STRA6: variants seen among roughly 807,000 people sequenced by gnomAD.
The protein encoded by STRA6 is signaling receptor and transporter of retinol STRA6, also known as receptor for retinol uptake STRA6.
Under a neutral mutation model 83.6 loss-of-function variants are expected in STRA6, and 48 were observed. That is an observed-to-expected ratio of 0.57 (90% CI 0.46 to 0.73). STRA6 has a LOEUF of 0.73. STRA6 is among the 30% of genes least tolerant of loss of function. The probability of loss-of-function intolerance (pLI) is 0.00; values close to 1 mark genes in which losing one functional copy is unlikely to be tolerated. For missense variants in STRA6, 760 were observed against 838.8 expected (o/e 0.91, Z 1.16); for synonymous variants, 353 against 362.3 (o/e 0.97, Z 0.29).
At chr15:74,180,387 A>G in intron 18 of STRA6, 144 bp from the exon 19 acceptor site, 1 of 1,039,814 alleles carries the variant, frequency 9.6e-7, no homozygotes. Flanking sequence ...AGCACATGGA[A>G]GTGGGGGGTG....
intron 18 of STRA6, 71 bp from the exon 19 acceptor site, chr15:74,180,314 A>C: frequency 6.3e-7 from 1 of 1,588,918 alleles, no homozygotes; most frequent in Non-Finnish European, 8.6e-7. Context: ...CTCAGACCTG[A>C]TCAGAGAGCC....
At chr15:74,205,017 C>T (rs2074229037), upstream of STRA6, among the ~76,000 whole-genome samples, 1 of 152,176 alleles carries the variant, frequency 6.6e-6, no homozygotes, top group Admixed American at 6.5e-5. Context: ...GCTGGTTTGG[C>T]AGCGAGCAAG....
At chr15:74,189,008 T>C (rs183153764) in intron 12 of STRA6, 107 bp downstream of exon 12, 1 of 1,347,846 alleles carries the variant, frequency 7.4e-7, no homozygotes, top group Non-Finnish European at 1.0e-6. Context: ...GAGGAAGGAA[T>C]GTGTCCAAGG....
At chr15:74,196,614 C>T (rs1001462003) in intron 4 of STRA6, among the ~76,000 whole-genome samples, 1 of 152,242 alleles carries the variant, frequency 6.6e-6, no homozygotes, top group Admixed American at 6.5e-5. Flanking sequence ...ACAGCTTCTG[C>T]ACTGCAGCTT....
At chr15:74,203,490 G>A (rs1429314936), upstream of STRA6, among the ~76,000 whole-genome samples, 1 of 152,238 alleles carries the variant, frequency 6.6e-6, no homozygotes, top group African/African-American at 2.4e-5. Flanking sequence ...ACTGTCCCTG[G>A]TGGAGGTTTA....
At chr15:74,192,960 G>T (rs1054806566) in intron 8 of STRA6, among the ~76,000 whole-genome samples, 7 of 152,182 alleles carry the variant, frequency 4.6e-5, no homozygotes, top group Admixed American at 2.0e-4. Flanking sequence ...TCAGACACAA[G>T]TCCATCAGCT....
upstream of STRA6, among the ~76,000 whole-genome samples, chr15:74,204,219 A>T (rs1174384363): frequency 1.3e-5 from 2 of 152,210 alleles, no homozygotes; most frequent in Non-Finnish European, 2.9e-5. Flanking sequence ...GGGATGCGGG[A>T]AACTTGCCTT....
upstream of STRA6, among the ~76,000 whole-genome samples, chr15:74,204,937 AAAAAAAG>A (rs1264520010): frequency 7.4e-6 from 1 of 134,662 alleles, no homozygotes; most frequent in Non-Finnish European, 1.7e-5. Context: ...TCCATCTCAA[AAAAAAAG>A]AAAGAAAGAA....
At chr15:74,203,762 T>C (rs114463584), upstream of STRA6, among the ~76,000 whole-genome samples, 193 of 152,258 alleles carry the variant, frequency 1.3e-3, no homozygotes, top group African/African-American at 4.6e-3. Flanking sequence ...GAATCACAGG[T>C]TGAGCTGGTC....
chr15:74,179,978 C>T lies in STRA6; in HGVS notation c.*102G>A. 3 of 1,489,104 alleles carry T rather than the reference C, an allele frequency of 2.0e-6. No homozygotes were observed. Among genetic ancestry groups the T allele is most frequent in the Non-Finnish European group, 2.8e-6 (3 of 1,086,714 alleles). The allele number at this position is 1,489,104 out of a possible 1,614,324, so 92.2% of individuals were successfully genotyped here. ...AGTGATCCGGAGGACCTGCTGGCTG[C>T]ATGGCTGGTGTGATGCTGGGAGGAG... On this transcript the variant is annotated 3_prime_UTR_variant, in exon 19 of 19. Coordinates refer to ENST00000395105, the MANE Select transcript of STRA6 (RefSeq NM_022369.4).
At chr15:74,181,262 G>A in intron 17 of STRA6, 33 bp downstream of exon 17, 3 of 1,610,640 alleles carry the variant, frequency 1.9e-6, no homozygotes, top group African/African-American at 1.3e-5. Context: ...TGGGTAGCCT[G>A]AGCAATCCTC....
intron 7 of STRA6, chr15:74,194,281 C>A (rs1487376955): frequency 9.5e-7 from 1 of 1,056,758 alleles, no homozygotes; most frequent in Non-Finnish European, 1.2e-6. Context: ...GAAAGCCTGC[C>A]TTTGCCTACA....
intron 7 of STRA6, 77 bp from the exon 8 acceptor site, chr15:74,193,999 C>A: frequency 6.3e-7 from 1 of 1,588,418 alleles, no homozygotes; most frequent in Non-Finnish European, 8.6e-7. Context: ...TTGCCCTTCC[C>A]ACCTCACACT....
intron 15 of STRA6, 25 bp from the exon 16 acceptor site, chr15:74,182,287 C>A: frequency 1.2e-6 from 2 of 1,613,970 alleles, no homozygotes; most frequent in South Asian, 2.2e-5. Flanking sequence ...GGGAGGTGGT[C>A]GCTGTTAGCG....
chr15:74,197,374 C>A lies in STRA6; in HGVS notation c.230G>T (p.Trp77Leu). ...LAMLVRRRQLWPDCVRGRPGL... is the reference protein window; with the variant it reads ...LAMLVRRRQLLPDCVRGRPGL... The stretch of plus-strand genomic sequence containing the variant: ...GGGCCTGCCACGCACACAGTCAGGC[C>A]AGAGCTGGCGGCGCCTCACCAGCAT... Residue 77 changes from tryptophan (W) to leucine (L), a missense_variant, in exon 4 of 19, where the codon TGG becomes TTG. Coordinates refer to ENST00000395105, the MANE Select transcript of STRA6 (RefSeq NM_022369.4). 1 of 1,550,462 alleles carries A rather than the reference C, an allele frequency of 6.4e-7. No individual in the cohort carries two copies. Among genetic ancestry groups the A allele is most frequent in the South Asian group, 1.2e-5 (1 of 84,042 alleles).
rs573469151 is a variant in STRA6 at position 74,195,210 on chromosome 15, C to T, written c.597+92G>A. The T allele has an allele frequency of 1.5e-5, 23 of 1,556,490 alleles. No individual in the cohort carries two copies. The African/African-American group carries it at 2.6e-4, about 17-fold the overall frequency. On this transcript the variant is annotated intron_variant, in intron 7 of 18. Transcript: ENST00000395105. ...CACAATGGAAGGCTGCAGGGCGGCC[C>T]ATCATAGAATCAGAGCTCAAAGGAG...
Position 74,180,143 on chromosome 15 carries a change from G to T in STRA6, c.1941C>A (p.His647Gln). 1 of 1,613,876 alleles carries T rather than the reference G, an allele frequency of 6.2e-7. No homozygotes were observed. ...TGCGGAAGACCTGCAGGGTTGGGTT[G>T]TGCAGCAGCGTGTAGGCCAGACCCC... ...ARWGLAYTLL[H>Q]NPTLQVFRKT... The change falls in exon 19 of 19, where the codon CAC becomes CAA. Residue 647 changes from histidine (H) to glutamine (Q), a missense_variant. By Grantham distance (24) the His-to-Gln change is conservative. Coordinates refer to ENST00000395105, the MANE Select transcript of STRA6 (RefSeq NM_022369.4).
upstream of STRA6, chr15:74,207,684 C>G: frequency 6.5e-7 from 1 of 1,534,788 alleles, no homozygotes; most frequent in Non-Finnish European, 8.7e-7. Context: ...GGGGGGATGG[C>G]CACTGTGCCC....
upstream of STRA6, among the ~76,000 whole-genome samples, chr15:74,204,669 A>G (rs1402194773): frequency 6.6e-6 from 1 of 152,222 alleles, no homozygotes; most frequent in Non-Finnish European, 1.5e-5. Context: ...GTGGTGGCTT[A>G]CACTTGTAAT....
Sources: gnomAD v4.1 joint callset for allele counts (sites outside exome capture counted in the v4.1 genomes callset) on GRCh38, gnomAD v4.1.1 for gene constraint, MANE v1.5 for transcripts, NCBI Gene and HGNC (gene_info 2026-07-23, HGNC 2026-07-21) for gene names.